Variants in SCAPER observed in about 807,000 individuals in gnomAD.
SCAPER encodes the protein S phase cyclin A-associated protein in the endoplasmic reticulum.
A neutral mutation model predicts 182.2 loss-of-function variants in SCAPER; 98 were observed. The observed-to-expected ratio is 0.54, with a 90% CI of 0.46 to 0.64. The LOEUF (loss-of-function observed/expected upper bound fraction) is 0.64. SCAPER is among the 30% of genes least tolerant of loss of function. SCAPER has a pLI of 0.00. For synonymous variants in SCAPER, 605 were observed against 564.6 expected (o/e 1.07, Z -1.01); for missense variants, 1,432 against 1,690.0 (o/e 0.85, Z 2.68).
At chr15:76,427,345 T>C (rs909575761) in intron 26 of SCAPER, among the ~76,000 whole-genome samples, 1 of 152,166 alleles carries the variant, frequency 6.6e-6, no homozygotes, top group Middle Eastern at 3.4e-3. Flanking sequence ...CTAGAATATA[T>C]ACAAAACTTA....
chr15:76,389,964 T>A (rs989293725), intron 27 of SCAPER, among the ~76,000 whole-genome samples: 1 of 152,136 alleles, frequency 6.6e-6, no homozygotes, highest in Admixed American at 6.5e-5. Flanking sequence ...GGAACCTTTT[T>A]TTTTTCTTTT....
intron 22 of SCAPER, among the ~76,000 whole-genome samples, chr15:76,577,150 T>G (rs2047891034): frequency 6.6e-6 from 1 of 151,998 alleles, no homozygotes; most frequent in Non-Finnish European, 1.5e-5. Context: ...GAGGGAAGAC[T>G]AAAGAGGACT....
chr15:76,510,004 G>C (rs912201939), intron 23 of SCAPER, among the ~76,000 whole-genome samples: 4 of 152,128 alleles, frequency 2.6e-5, no homozygotes, highest in African/African-American at 9.7e-5. Context: ...AAATGGTGCT[G>C]GGATAATTGG....
At chr15:76,676,069 C>A (rs140446881) in intron 20 of SCAPER, among the ~76,000 whole-genome samples, 2,195 of 152,346 alleles carry the variant, frequency 0.014, 20 homozygotes, top group Non-Finnish European at 0.023. Flanking sequence ...AGGTGATCCA[C>A]CCACCTCGGC....
intron 26 of SCAPER, among the ~76,000 whole-genome samples, chr15:76,416,704 T>G (rs915715790): frequency 6.6e-6 from 1 of 152,022 alleles, no homozygotes. Context: ...AAATAATCAA[T>G]TGTATGAAAA....
intron 22 of SCAPER, among the ~76,000 whole-genome samples, chr15:76,606,383 A>G (rs964780152): frequency 6.6e-6 from 1 of 151,602 alleles, no homozygotes; most frequent in African/African-American, 2.4e-5. Context: ...GTGGCCTGAG[A>G]GTTTGTTATA....
At chr15:76,680,496 A>G (rs2057640311) in intron 20 of SCAPER, among the ~76,000 whole-genome samples, 1 of 151,902 alleles carries the variant, frequency 6.6e-6, no homozygotes, top group Admixed American at 6.6e-5. Flanking sequence ...AGCATTTGCT[A>G]TACCTTGGAT....
At chr15:76,686,577 T>C (rs7165053) in intron 20 of SCAPER, among the ~76,000 whole-genome samples, 51,703 of 151,874 alleles carry the variant, frequency 0.34, 9,068 homozygotes, top group East Asian at 0.55. Context: ...GGAAAACTCT[T>C]ATACATGTAC....
intron 24 of SCAPER, among the ~76,000 whole-genome samples, chr15:76,493,123 T>C (rs1441959517): frequency 1.3e-5 from 2 of 152,196 alleles, no homozygotes; most frequent in Admixed American, 6.5e-5. Flanking sequence ...GGGGTGCTAA[T>C]AATACTTTCT....
chr15:76,753,437 A>G (rs911380756), intron 15 of SCAPER, among the ~76,000 whole-genome samples: 2 of 151,964 alleles, frequency 1.3e-5, no homozygotes, highest in Non-Finnish European at 2.9e-5. Context: ...GATAGAAAGC[A>G]GATCAGTAAT....
Position 76,723,812 on chromosome 15 carries a change from G to C in SCAPER, c.2165+4783C>G, listed in dbSNP as rs145950287. Reference sequence around the variant, plus strand: ...CTTCATCCCTTTTTTGTGAGCCTATGTGTGCCTCTGCACATGAGATGGGGT... The same window carrying C: ...CTTCATCCCTTTTTTGTGAGCCTATCTGTGCCTCTGCACATGAGATGGGGT... On this transcript the variant is annotated intron_variant, in intron 17 of 31. Transcript: ENST00000563290. 2.2e-3 allele frequency among the ~76,000 whole-genome samples: 332 copies of C among 152,268 alleles called. 1 individual carries two copies. Among genetic ancestry groups the C allele is most frequent in the African/African-American group, 7.7e-3 (320 of 41,568 alleles).
intron 8 of SCAPER, among the ~76,000 whole-genome samples, chr15:76,778,426 T>C (rs888422122): frequency 1.3e-5 from 2 of 152,046 alleles, no homozygotes; most frequent in Non-Finnish European, 2.9e-5. Flanking sequence ...TTGTTTAAAA[T>C]ACTATGAGTA....
intron 24 of SCAPER, among the ~76,000 whole-genome samples, chr15:76,502,373 C>T (rs1025032446): frequency 7.2e-5 from 11 of 152,042 alleles, no homozygotes; most frequent in East Asian, 3.9e-4. Flanking sequence ...ACATATACAC[C>T]GTGGAATACT....
chr15:76,615,052 C>T (rs183650178), intron 22 of SCAPER, among the ~76,000 whole-genome samples: 2 of 152,084 alleles, frequency 1.3e-5, no homozygotes, highest in East Asian at 3.9e-4. Flanking sequence ...CCAAAATATG[C>T]CAAAATCTAA....
intron 8 of SCAPER, among the ~76,000 whole-genome samples, chr15:76,786,417 G>A (rs1467824124): frequency 1.3e-5 from 2 of 151,454 alleles, no homozygotes; most frequent in East Asian, 3.9e-4. Flanking sequence ...ACTGATACAG[G>A]AAAAGCATTT....
At chr15:76,756,583 A>C (rs1248929101) in intron 14 of SCAPER, among the ~76,000 whole-genome samples, 1 of 152,146 alleles carries the variant, frequency 6.6e-6, no homozygotes, top group Non-Finnish European at 1.5e-5. Flanking sequence ...ACTCTAAAAA[A>C]AAAACAATAG....
intron 20 of SCAPER, among the ~76,000 whole-genome samples, chr15:76,692,375 A>T (rs942528275): frequency 6.6e-6 from 1 of 152,138 alleles, no homozygotes; most frequent in African/African-American, 2.4e-5. Context: ...TGAGCCACGT[A>T]TTCACCTTAG....
At chr15:76,722,999 T>C (rs2060353110) in intron 17 of SCAPER, among the ~76,000 whole-genome samples, 1 of 152,208 alleles carries the variant, frequency 6.6e-6, no homozygotes, top group Non-Finnish European at 1.5e-5. Context: ...CTTGCTTCTC[T>C]GGTTCTTTTA....
chr15:76,705,416 G>A (rs1186089969), intron 18 of SCAPER, among the ~76,000 whole-genome samples: 16 of 149,646 alleles, frequency 1.1e-4, no homozygotes, highest in Non-Finnish European at 2.1e-4. Context: ...GGGGAGGGGA[G>A]AGGGATATCA....
Sources: gnomAD v4.1 joint callset for allele counts (sites outside exome capture counted in the v4.1 genomes callset) on GRCh38, gnomAD v4.1.1 for gene constraint, MANE v1.5 for transcripts, NCBI Gene and HGNC (gene_info 2026-07-23, HGNC 2026-07-21) for gene names.